PIAS1: variants seen among roughly 807,000 people sequenced by gnomAD.
PIAS1 encodes E3 SUMO-protein ligase PIAS1.
A neutral mutation model predicts 71.3 loss-of-function variants in PIAS1; 6 were observed. The ratio of observed to expected loss-of-function variants is 0.08; its 90% CI spans 0.05 to 0.17. The LOEUF is 0.17. Ranked by LOEUF, PIAS1 falls within the 10% of genes least tolerant of loss-of-function variation. The probability of loss-of-function intolerance (pLI) is 1.00; values close to 1 mark genes in which losing one functional copy is unlikely to be tolerated. For synonymous variants in PIAS1, 303 were observed against 292.9 expected (o/e 1.03, Z -0.35); for missense variants, 555 against 793.6 (o/e 0.70, Z 3.61).
At chr15:68,119,284 T>C (rs1259603814) in intron 2 of PIAS1, among the ~76,000 whole-genome samples, 5 of 117,068 alleles carry the variant, frequency 4.3e-5, no homozygotes, top group Admixed American at 1.9e-4. Flanking sequence ...TATGTACACA[T>C]ACACACACAC....
chr15:68,165,508 A>G (rs1170207683), intron 8 of PIAS1, among the ~76,000 whole-genome samples: 1 of 152,234 alleles, frequency 6.6e-6, no homozygotes, highest in Non-Finnish European at 1.5e-5. Flanking sequence ...GCTAACAATG[A>G]CCACATTATA....
chr15:68,117,707 A>G (rs2092577611), intron 2 of PIAS1, among the ~76,000 whole-genome samples: 1 of 152,118 alleles, frequency 6.6e-6, no homozygotes. Context: ...TTGTGGCTGA[A>G]TAGTATTCTA....
At chr15:68,109,712 G>T (rs542724842) in intron 2 of PIAS1, among the ~76,000 whole-genome samples, 1 of 152,290 alleles carries the variant, frequency 6.6e-6, no homozygotes, top group African/African-American at 2.4e-5. Flanking sequence ...TGACCAGTCA[G>T]CCCTGGCCAG....
chr15:68,113,661 A>G (rs1173215162), intron 2 of PIAS1, among the ~76,000 whole-genome samples: 1 of 152,146 alleles, frequency 6.6e-6, no homozygotes, highest in African/African-American at 2.4e-5. Flanking sequence ...AATCTGAGGA[A>G]TAATGTAAAG....
At chr15:68,143,512 A>G (rs748721477) in intron 4 of PIAS1, among the ~76,000 whole-genome samples, 15 of 152,168 alleles carry the variant, frequency 9.9e-5, no homozygotes, top group South Asian at 2.1e-4. Flanking sequence ...ACTGCAGTAG[A>G]CTAGTGATAA....
At chr15:68,175,944 T>C (rs905688926) in intron 10 of PIAS1, among the ~76,000 whole-genome samples, 177 bp downstream of exon 10, 3 of 152,350 alleles carry the variant, frequency 2.0e-5, no homozygotes, top group African/African-American at 7.2e-5. Context: ...ATTCACTTTT[T>C]TGCCAGCTTT....
Position 68,098,394 on chromosome 15 carries a change from A to T in PIAS1, c.469+11644A>T, listed in dbSNP as rs540419567. On this transcript the variant is annotated intron_variant, in intron 2 of 13. Transcript: ENST00000249636. ...TTTTCATACTTGTTATGTTTGCATTAAGTAGGCTAAAGGGGAGGAGTAATA... is the reference window on the plus strand; with the variant it reads ...TTTTCATACTTGTTATGTTTGCATTTAGTAGGCTAAAGGGGAGGAGTAATA... Among the ~76,000 whole-genome samples, 18 of 151,658 alleles carry T rather than the reference A, an allele frequency of 1.2e-4. 1 individual carries two copies. In the South Asian group the frequency reaches 3.5e-3, roughly 30 times the overall value.
intron 1 of PIAS1, among the ~76,000 whole-genome samples, chr15:68,081,757 G>A (rs145172503): frequency 6.6e-6 from 1 of 152,126 alleles, no homozygotes; most frequent in Non-Finnish European, 1.5e-5. Context: ...GAGATTATCA[G>A]TCTAGGAAGA....
intron 7 of PIAS1, among the ~76,000 whole-genome samples, chr15:68,162,295 TC>T (rs771106336): frequency 9.2e-5 from 14 of 152,252 alleles, no homozygotes; most frequent in Non-Finnish European, 1.9e-4. Context: ...GATACTATGA[TC>T]TATAATATTG....
rs146114696 is a variant in PIAS1, at chr15:68,075,078, CTTTTTTTTTTTT to C, written c.25-11213_25-11202del. On this transcript the variant is annotated intron_variant, in intron 1 of 13. Coordinates refer to ENST00000249636, the MANE Select transcript of PIAS1 (RefSeq NM_016166.3). The stretch of plus-strand genomic sequence containing the variant: ...ATAAAAACATTTTCTTTCTTTCTTT[CTTTTTTTTTTTT>C]TTTTTTTTTTTTTTGAGGCGGAGTC... Among the ~76,000 whole-genome samples, 31 of 81,766 alleles carry C rather than the reference CTTTTTTTTTTTT, an allele frequency of 3.8e-4. No individual in the cohort carries two copies. In the South Asian group the frequency reaches 7.3e-3, roughly 19 times the overall value. 53.6% of individuals were successfully genotyped at this position (81,766 alleles called of 152,430 possible).
At chr15:68,177,605 T>C (rs2093028515) in intron 11 of PIAS1, among the ~76,000 whole-genome samples, 1 of 152,212 alleles carries the variant, frequency 6.6e-6, no homozygotes, top group Admixed American at 6.5e-5. Flanking sequence ...AACATTGTTA[T>C]CTACTTTGTA....
In PIAS1 at chr15:68,060,213, C is replaced by G. The variant is rs2091942685; in HGVS notation, c.24+5863C>G. On this transcript the variant is annotated intron_variant, in intron 1 of 13. Coordinates refer to ENST00000249636, the MANE Select transcript of PIAS1 (RefSeq NM_016166.3). ...TTTGGAAATTATATCACAGTGACCACATATTGCAAGTTTTTGTACCTTATT... is the reference window on the plus strand; with the variant it reads ...TTTGGAAATTATATCACAGTGACCAGATATTGCAAGTTTTTGTACCTTATT... Among the ~76,000 whole-genome samples, 7 of 152,064 alleles carry G rather than the reference C, an allele frequency of 4.6e-5. No homozygotes were observed. In the South Asian group the frequency reaches 1.2e-3, roughly 27 times the overall value.
intron 8 of PIAS1, 43 bp downstream of exon 8, chr15:68,164,847 C>A: frequency 1.9e-6 from 2 of 1,034,368 alleles, no homozygotes; most frequent in African/African-American, 1.6e-5. Flanking sequence ...GTTTAACATA[C>A]ATTTTCTCTT....
chr15:68,179,737 G>C (rs28615581), intron 11 of PIAS1, among the ~76,000 whole-genome samples: 1,675 of 151,404 alleles, frequency 0.011, 30 homozygotes, highest in African/African-American at 0.039. Context: ...CACCATGCCT[G>C]GCTAATTTTT....
At chr15:68,165,823 T>G (rs2092954131) in intron 8 of PIAS1, among the ~76,000 whole-genome samples, 1 of 152,150 alleles carries the variant, frequency 6.6e-6, no homozygotes, top group Non-Finnish European at 1.5e-5. Context: ...TGTTCTATAA[T>G]TAATCAAACT....
chr15:68,151,846 C>T (rs1456229886), intron 6 of PIAS1, among the ~76,000 whole-genome samples: 2 of 150,138 alleles, frequency 1.3e-5, no homozygotes, highest in African/African-American at 2.5e-5. Context: ...GGTGACAGAG[C>T]GAGACTCTGT....
At chr15:68,125,653 C>A (rs768941697) in intron 2 of PIAS1, among the ~76,000 whole-genome samples, 3 of 151,904 alleles carry the variant, frequency 2.0e-5, no homozygotes, top group Non-Finnish European at 2.9e-5. Context: ...CCATTGCCTT[C>A]TAATTATAGT....
At chr15:68,133,500 T>G (rs2092700491) in intron 2 of PIAS1, among the ~76,000 whole-genome samples, 1 of 151,688 alleles carries the variant, frequency 6.6e-6, no homozygotes, top group Non-Finnish European at 1.5e-5. Context: ...TAACAAAAAA[T>G]AGAGTACCAG....
intron 6 of PIAS1, among the ~76,000 whole-genome samples, chr15:68,148,603 A>G (rs1158783787): frequency 6.6e-6 from 1 of 151,390 alleles, no homozygotes; most frequent in Non-Finnish European, 1.5e-5. Context: ...TAATTTTTGT[A>G]TTTTTAGTAG....
Sources: gnomAD v4.1 joint callset for allele counts (sites outside exome capture counted in the v4.1 genomes callset) on GRCh38, gnomAD v4.1.1 for gene constraint, MANE v1.5 for transcripts, NCBI Gene and HGNC (gene_info 2026-07-23, HGNC 2026-07-21) for gene names.